Variants in TUBA8 observed in about 807,000 individuals in gnomAD.
TUBA8 encodes the protein tubulin alpha-8 chain.
A neutral mutation model predicts 34.7 loss-of-function variants in TUBA8; 29 were observed. The observed-to-expected ratio is 0.84, with a 90% CI of 0.62 to 1.14. The LOEUF (loss-of-function observed/expected upper bound fraction) is 1.14, where lower values mean the gene tolerates loss of function less well. Among genes scored for constraint, TUBA8 ranks in the 50% most tolerant of loss-of-function variants. The pLI is 0.00. For missense variants in TUBA8, 541 were observed against 599.2 expected (o/e 0.90, Z 1.01); for synonymous variants, 226 against 231.2 (o/e 0.98, Z 0.21).
chr22:18,113,442 C>T (rs532961598), intron 1 of TUBA8: 2 of 152,362 alleles, frequency 1.3e-5, no homozygotes, highest in African/African-American at 4.8e-5. Flanking sequence ...GCCAGGTGCC[C>T]TAAGCCAAGC....
rs1009423596 is a variant in TUBA8 at position 18,118,451 on chromosome 22, A to T, written c.4-3028A>T. ...TGTGAGGCTCAGGTTGTCTCATCTT[A>T]GGCAGCAGGAGCCTCTTCAGGTGCT... On this transcript the variant is annotated intron_variant, in intron 1 of 4. Transcript: ENST00000330423. This position sits in a 1 kb window ranked among gnomAD's most constrained non-coding sequence, Gnocchi z 4.0. The T allele has an allele frequency of 6.6e-6, 1 of 152,164 alleles. No homozygotes were observed. The highest frequency in any genetic ancestry group is 1.5e-5 in the Non-Finnish European group (1 of 68,036). 9.4% of individuals were successfully genotyped at this position (152,164 alleles called of 1,614,324 possible).
At position 18,126,157 on chromosome 22, in the gene TUBA8, C is replaced by T; in HGVS notation, c.376-197C>T. On this transcript the variant is annotated intron_variant, in intron 3 of 4. Coordinates refer to ENST00000330423, the MANE Select transcript of TUBA8 (RefSeq NM_018943.3). This position sits in a 1 kb window ranked among gnomAD's most constrained non-coding sequence, Gnocchi z 4.0. Reference sequence around the variant, plus strand: ...GGATTACAGGCATTGAGTCACTGTGCCTGGCCCCATCCCATATTTTAGCCA... The same window carrying T: ...GGATTACAGGCATTGAGTCACTGTGTCTGGCCCCATCCCATATTTTAGCCA... The T allele has an allele frequency of 1.6e-6, 1 of 610,280 alleles. No individual in the cohort carries two copies. The allele number at this position is 610,280 out of a possible 1,614,324, so 37.8% of individuals were successfully genotyped here. A position where few individuals can be genotyped will look rare whatever the true frequency, so the allele number is the denominator to read the frequency against.
In TUBA8 at chr22:18,110,959, C is replaced by T; in HGVS notation, c.3+91C>T. 3 of 1,528,654 alleles carry T rather than the reference C, an allele frequency of 2.0e-6. No individual in the cohort carries two copies. Among genetic ancestry groups the T allele is most frequent in the East Asian group, 2.4e-5 (1 of 40,852 alleles). The allele number at this position is 1,528,654 out of a possible 1,614,324, so 94.7% of individuals were successfully genotyped here. A position where few individuals can be genotyped will look rare whatever the true frequency, so the allele number is the denominator to read the frequency against. On this transcript the variant is annotated intron_variant, in intron 1 of 4. Coordinates refer to ENST00000330423, the MANE Select transcript of TUBA8 (RefSeq NM_018943.3). This position sits in a 1 kb window ranked among gnomAD's most constrained non-coding sequence, Gnocchi z 6.2. ...ACGCGGAGGCGCACGGACCCGTCTT[C>T]CTGGAGCCGCAGGGCTCAAGGCCTT...
chr22:18,126,719 C>T lies in TUBA8; in HGVS notation c.741C>T (p.Ala247=). 1 of 1,614,136 alleles carries T rather than the reference C, an allele frequency of 6.2e-7. No individual in the cohort carries two copies. Among genetic ancestry groups the T allele is most frequent in the Non-Finnish European group, 8.5e-7 (1 of 1,180,016 alleles). ...SITASLRFDG[A]LNVDLTEFQT... ...CTGCTTCTCTCCGCTTTGACGGGGC[C>T]CTCAATGTGGACCTCACTGAGTTCC... The change falls in exon 4 of 5, where the codon GCC becomes GCT. Residue 247 remains alanine (A), a synonymous_variant. Coordinates refer to ENST00000330423, the MANE Select transcript of TUBA8 (RefSeq NM_018943.3). The surrounding 1 kb of genome is among the most constrained non-coding windows in gnomAD (Gnocchi z 4.0).
chr22:18,120,115 C>T (rs75203477), intron 1 of TUBA8: 1 of 152,318 alleles, frequency 6.6e-6, no homozygotes, highest in African/African-American at 2.4e-5. Flanking sequence ...TCTCTCCCCA[C>T]CCCCCTTTTT....
At chr22:18,125,352 A>G (rs1012095576) in intron 3 of TUBA8, 2 of 151,952 alleles carry the variant, frequency 1.3e-5, no homozygotes, top group Non-Finnish European at 2.9e-5. Context: ...CATCTTTACT[A>G]AAAATACAAA....
Position 18,131,266 on chromosome 22 carries a change from C to T in TUBA8, c.*130C>T, listed in dbSNP as rs186238899. The T allele has an allele frequency of 2.0e-6, 2 of 1,017,372 alleles. No individual in the cohort carries two copies. The highest frequency in any genetic ancestry group is 2.0e-5 in the Admixed American group (1 of 49,738). 63.0% of individuals were successfully genotyped at this position (1,017,372 alleles called of 1,614,324 possible). On this transcript the variant is annotated 3_prime_UTR_variant, in exon 5 of 5. Coordinates refer to ENST00000330423, the MANE Select transcript of TUBA8 (RefSeq NM_018943.3). The surrounding 1 kb of genome is among the most constrained non-coding windows in gnomAD (Gnocchi z 5.3). ...TTACCCAGGAGGAGGGTGCCTGGCCCCAGTACCCAGGGTGGCACGACTGGG... is the reference window on the plus strand; with the variant it reads ...TTACCCAGGAGGAGGGTGCCTGGCCTCAGTACCCAGGGTGGCACGACTGGG...
chr22:18,112,294 A>G lies in TUBA8; in HGVS notation c.3+1426A>G, dbSNP rs1390412237. On this transcript the variant is annotated intron_variant, in intron 1 of 4. Transcript: ENST00000330423. Reference sequence around the variant, plus strand: ...CAAACGGAGAGCAAATGGTATAATTAGCGATTATATACATCATCTAAGTTC... The same window carrying G: ...CAAACGGAGAGCAAATGGTATAATTGGCGATTATATACATCATCTAAGTTC... 3 of 151,906 alleles carry G rather than the reference A, an allele frequency of 2.0e-5. No homozygotes were observed. In the East Asian group the frequency reaches 5.8e-4, roughly 29 times the overall value. 9.4% of individuals were successfully genotyped at this position (151,906 alleles called of 1,614,324 possible). A position where few individuals can be genotyped will look rare whatever the true frequency, so the allele number is the denominator to read the frequency against.
In TUBA8 at chr22:18,110,846, G is replaced by C. The variant is rs1927778502; in HGVS notation, c.-20G>C. The C allele has an allele frequency of 6.5e-7, 1 of 1,543,574 alleles. No individual in the cohort carries two copies. Among genetic ancestry groups the C allele is most frequent in the African/African-American group, 1.4e-5 (1 of 73,632 alleles). On this transcript the variant is annotated 5_prime_UTR_variant, in exon 1 of 5. Coordinates refer to ENST00000330423, the MANE Select transcript of TUBA8 (RefSeq NM_018943.3). The surrounding 1 kb of genome is among the most constrained non-coding windows in gnomAD (Gnocchi z 6.2). ...GGGCAGGCCCAGCTGAGAGGTGCGC[G>C]GGCGAGGACAGCGGCAGCGATGGTG...
chr22:18,110,988 G>T lies in TUBA8; in HGVS notation c.3+120G>T. On this transcript the variant is annotated intron_variant, in intron 1 of 4. Coordinates refer to ENST00000330423, the MANE Select transcript of TUBA8 (RefSeq NM_018943.3). The surrounding 1 kb of genome is among the most constrained non-coding windows in gnomAD (Gnocchi z 6.2). ...GAGCCGCAGGGCTCAAGGCCTTCTGGGGGTGGCAGTTCAGGGTCGAGGAGT... is the reference window on the plus strand; with the variant it reads ...GAGCCGCAGGGCTCAAGGCCTTCTGTGGGTGGCAGTTCAGGGTCGAGGAGT... 2.7e-6 allele frequency: 4 copies of T among 1,477,370 alleles called. No individual in the cohort carries two copies. Among genetic ancestry groups the T allele is most frequent in the East Asian group, 5.0e-5 (2 of 40,340 alleles). 91.5% of individuals were successfully genotyped at this position (1,477,370 alleles called of 1,614,324 possible). A position where few individuals can be genotyped will look rare whatever the true frequency, so the allele number is the denominator to read the frequency against.
At position 18,131,273 on chromosome 22, in the gene TUBA8, C is replaced by T; in HGVS notation, c.*137C>T. 1 of 943,208 alleles carries T rather than the reference C, an allele frequency of 1.1e-6. No individual in the cohort carries two copies. The highest frequency in any genetic ancestry group is 1.6e-6 in the Non-Finnish European group (1 of 613,904). The allele number at this position is 943,208 out of a possible 1,614,324, so 58.4% of individuals were successfully genotyped here. On this transcript the variant is annotated 3_prime_UTR_variant, in exon 5 of 5. Transcript: ENST00000330423. This position sits in a 1 kb window ranked among gnomAD's most constrained non-coding sequence, Gnocchi z 5.3. ...GGAGGAGGGTGCCTGGCCCCAGTACCCAGGGTGGCACGACTGGGCTAAGTG... is the reference window on the plus strand; with the variant it reads ...GGAGGAGGGTGCCTGGCCCCAGTACTCAGGGTGGCACGACTGGGCTAAGTG...
At position 18,121,683 on chromosome 22, in the gene TUBA8, C is replaced by G. The variant is rs1263951696; in HGVS notation, c.208C>G (p.Leu70Val). 1 of 1,614,176 alleles carries G rather than the reference C, an allele frequency of 6.2e-7. No homozygotes were observed. The highest frequency in any genetic ancestry group is 1.1e-5 in the South Asian group (1 of 91,080). The change falls in exon 2 of 5, where the codon CTG becomes GTG. Residue 70 changes from leucine (L) to valine (V), a missense_variant. Leu to Val is a conservative substitution (Grantham distance 32). Coordinates refer to ENST00000330423, the MANE Select transcript of TUBA8 (RefSeq NM_018943.3). The surrounding 1 kb of genome is among the most constrained non-coding windows in gnomAD (Gnocchi z 4.8). Reference protein sequence around the residue: ...KHVPRAVMIDLEPTVVDEVRA... With the variant: ...KHVPRAVMIDVEPTVVDEVRA... ...TGTGCCCCGGGCCGTCATGATAGAT[C>G]TGGAGCCTACTGTAGTGGGTGAGTG... is the stretch of plus-strand genomic sequence containing the variant.
intron 1 of TUBA8, chr22:18,117,978 G>A (rs1243491716): frequency 6.6e-6 from 1 of 152,088 alleles, no homozygotes; most frequent in East Asian, 1.9e-4. Flanking sequence ...GAGTATTTTT[G>A]AGAAGAAGTC....
Position 18,111,277 on chromosome 22 carries a change from G to A in TUBA8, c.3+409G>A, listed in dbSNP as rs1927800405. 7.4e-6 allele frequency: 2 copies of A among 270,262 alleles called. No individual in the cohort carries two copies. Among genetic ancestry groups the A allele is most frequent in the East Asian group, 7.9e-5 (1 of 12,718 alleles). 16.7% of individuals were successfully genotyped at this position (270,262 alleles called of 1,614,324 possible). ...CGACTGGGGGGCCAGATGCAGTCAC[G>A]TCTCCGAACCCAGCCTAATGTGACA... On this transcript the variant is annotated intron_variant, in intron 1 of 4. Coordinates refer to ENST00000330423, the MANE Select transcript of TUBA8 (RefSeq NM_018943.3). The surrounding 1 kb of genome is among the most constrained non-coding windows in gnomAD (Gnocchi z 5.1).
At chr22:18,123,724 G>A (rs1471153273) in intron 2 of TUBA8, 1 of 232,188 alleles carries the variant, frequency 4.3e-6, no homozygotes, top group South Asian at 6.5e-5. Flanking sequence ...ACAGGCGCAC[G>A]CTGCCACACC....
Position 18,127,016 on chromosome 22 carries a change from G to T in TUBA8, c.1038G>T (p.Trp346Cys), listed in dbSNP as rs757669288. The T allele has an allele frequency of 6.2e-7, 1 of 1,614,186 alleles. No individual in the cohort carries two copies. Among genetic ancestry groups the T allele is most frequent in the Non-Finnish European group, 8.5e-7 (1 of 1,180,040 alleles). The change falls in exon 4 of 5, where the codon TGG becomes TGT. Residue 346 changes from tryptophan to cysteine, a missense_variant. By Grantham distance (215) the Trp-to-Cys change is radical (BLOSUM62 -2). Coordinates refer to ENST00000330423, the MANE Select transcript of TUBA8 (RefSeq NM_018943.3). ...AGAGGACCATCCAGTTTGTAGACTG[G>T]TGTCCCACAGGCTTCAAGGTGAGAG... The part of the protein sequence containing the change: ...KTKRTIQFVD[W>C]CPTGFKVGIN...
At position 18,124,431 on chromosome 22, in the gene TUBA8, G is replaced by T; in HGVS notation, c.375+127G>T. On this transcript the variant is annotated intron_variant, in intron 3 of 4. Transcript: ENST00000330423. The surrounding 1 kb of genome is among the most constrained non-coding windows in gnomAD (Gnocchi z 4.3). Reference sequence around the variant, plus strand: ...TATAGGATGGAGCTCCTAAGGTTTGGGAATTTCTGCTTAAATTCTGTAAGA... The same window carrying T: ...TATAGGATGGAGCTCCTAAGGTTTGTGAATTTCTGCTTAAATTCTGTAAGA... 8.5e-7 allele frequency: 1 copy of T among 1,170,778 alleles called. No individual in the cohort carries two copies. The highest frequency in any genetic ancestry group is 1.6e-5 in the South Asian group (1 of 61,958). The allele number at this position is 1,170,778 out of a possible 1,614,324, so 72.5% of individuals were successfully genotyped here. A position where few individuals can be genotyped will look rare whatever the true frequency, so the allele number is the denominator to read the frequency against.
In TUBA8 at chr22:18,110,889, G is replaced by C; in HGVS notation, c.3+21G>C. ...CGATGGTGAGGCTTCCCGGGGCCAG[G>C]CGGGCTGCGGGCGCGCGGCAGGCGT... On this transcript the variant is annotated intron_variant, in intron 1 of 4. Coordinates refer to ENST00000330423, the MANE Select transcript of TUBA8 (RefSeq NM_018943.3). This position sits in a 1 kb window ranked among gnomAD's most constrained non-coding sequence, Gnocchi z 6.2. The C allele has an allele frequency of 6.5e-7, 1 of 1,545,316 alleles. No individual in the cohort carries two copies. The highest frequency in any genetic ancestry group is 2.4e-5 in the East Asian group (1 of 42,056).
intron 4 of TUBA8, chr22:18,129,325 C>A (rs1247884315): frequency 2.0e-5 from 3 of 152,148 alleles, no homozygotes; most frequent in African/African-American, 7.2e-5. Context: ...AAAGCAGAAG[C>A]TCTGGAGTTA....
Sources: gnomAD v4.1 joint callset for allele counts on GRCh38, gnomAD v4.1.1 for gene constraint, Gnocchi (gnomAD v3.1) non-coding constraint, MANE v1.5 for transcripts, NCBI Gene and HGNC (gene_info 2026-07-23, HGNC 2026-07-21) for gene names.